Variants in TRIM9 observed in about 807,000 individuals in gnomAD.
TRIM9 encodes the protein E3 ubiquitin-protein ligase TRIM9.
In TRIM9, 26 loss-of-function variants were observed where a neutral mutation model predicts 78.3. The observed-to-expected ratio is 0.33, with a 90% confidence interval of 0.24 to 0.46. TRIM9 has a LOEUF of 0.46. TRIM9 is among the 20% of genes least tolerant of loss of function. The pLI, the probability that TRIM9 is intolerant of heterozygous loss-of-function variation, is 1.00. For synonymous variants in TRIM9, 398 were observed against 416.5 expected (o/e 0.96, Z 0.54); for missense variants, 787 against 1,036.4 (o/e 0.76, Z 3.30).
At chr14:51,088,733 A>T (rs193202052) in intron 1 of TRIM9, among the ~76,000 whole-genome samples, 1 of 152,296 alleles carries the variant, frequency 6.6e-6, no homozygotes, top group Admixed American at 6.5e-5. Flanking sequence ...GGCTAATAAA[A>T]GCTACCTAGT....
In TRIM9 at chr14:50,976,279, C is replaced by T. The variant is rs1477171118; in HGVS notation, c.*1012G>A. The T allele has an allele frequency of 1.3e-5, 2 of 152,526 alleles. No individual in the cohort carries two copies. Among genetic ancestry groups the T allele is most frequent in the East Asian group, 3.8e-4 (2 of 5,200 alleles). The allele number at this position is 152,526 out of a possible 1,614,324, so 9.4% of individuals were successfully genotyped here. On this transcript the variant is annotated 3_prime_UTR_variant, in exon 13 of 13. Coordinates refer to ENST00000684578, the MANE Select transcript of TRIM9 (RefSeq NM_001387360.1). ...GCATTGAGTTGGTACATTTCTGGTG[C>T]TATGGCCAGAATGTGTGGATTTTTA...
intron 1 of TRIM9, among the ~76,000 whole-genome samples, chr14:51,080,404 G>C (rs2063188097): frequency 1.3e-5 from 2 of 149,914 alleles, no homozygotes; most frequent in African/African-American, 4.9e-5. Flanking sequence ...GTCCCCAGAA[G>C]GGAGAATAGG....
rs367695979 is a variant in TRIM9, at chr14:51,094,420, C to T, written c.520G>A (p.Ala174Thr). 9 of 1,613,934 alleles carry T rather than the reference C, an allele frequency of 5.6e-6. No homozygotes were observed. The African/African-American group carries it at 1.1e-4, about 19-fold the overall frequency. ...AALKCQLCEKAPKEATVMCEQ... is the reference protein window; with the variant it reads ...AALKCQLCEKTPKEATVMCEQ... Reference sequence around the variant, plus strand: ...CACATGACGGTGGCTTCCTTGGGCGCCTTCTCGCAGAGCTGGCACTTGAGG... The same window carrying T: ...CACATGACGGTGGCTTCCTTGGGCGTCTTCTCGCAGAGCTGGCACTTGAGG... Residue 174 changes from alanine (A) to threonine (T), a missense_variant, in exon 1 of 13, where the codon GCG (alanine) becomes ACG (threonine). Ala to Thr is a moderately conservative substitution (Grantham distance 58). Transcript: ENST00000684578.
intron 1 of TRIM9, among the ~76,000 whole-genome samples, chr14:51,030,558 ATGTG>A (rs896199154): frequency 6.6e-6 from 1 of 151,678 alleles, no homozygotes; most frequent in African/African-American, 2.4e-5. Flanking sequence ...GGGACAAAGG[ATGTG>A]TGTGTGTGTA....
intron 5 of TRIM9, among the ~76,000 whole-genome samples, chr14:51,008,732 C>G (rs954321913): frequency 6.6e-6 from 1 of 152,198 alleles, no homozygotes; most frequent in Non-Finnish European, 1.5e-5. Flanking sequence ...CAATTCTGGA[C>G]TCCCCTGATT....
chr14:50,982,213 T>C lies in TRIM9; in HGVS notation c.1859-110A>G, dbSNP rs532209599. ...GTTGTGTAGCGTTTTCATGCTGCCA[T>C]GCAGGAAGGAGGCGTCCAGGGCCAG... is the stretch of plus-strand genomic sequence containing the variant. On this transcript the variant is annotated intron_variant, in intron 10 of 12. Transcript: ENST00000684578. 3.0e-4 allele frequency: 407 copies of C among 1,354,808 alleles called. 1 individual carries two copies. Among genetic ancestry groups the C allele is most frequent in the Non-Finnish European group, 3.6e-4 (358 of 989,542 alleles). 83.9% of individuals were successfully genotyped at this position (1,354,808 alleles called of 1,614,324 possible). A position where few individuals can be genotyped will look rare whatever the true frequency, so the allele number is the denominator to read the frequency against.
intron 7 of TRIM9, 148 bp downstream of exon 7, chr14:50,997,902 G>A: frequency 1.4e-6 from 2 of 1,473,928 alleles, no homozygotes; most frequent in South Asian, 2.8e-5. Context: ...CTAAAGGCAG[G>A]AGAGGAACAG....
At chr14:51,018,240 T>C (rs1473659926) in intron 3 of TRIM9, among the ~76,000 whole-genome samples, 4 of 152,314 alleles carry the variant, frequency 2.6e-5, no homozygotes, top group Admixed American at 1.3e-4. Flanking sequence ...AGTATCTAAT[T>C]ATTTTTAATT....
At chr14:50,982,275 T>C in intron 10 of TRIM9, 172 bp from the exon 11 acceptor site, 1 of 690,346 alleles carries the variant, frequency 1.4e-6, no homozygotes, top group South Asian at 1.9e-5. Flanking sequence ...TGGTACTCTC[T>C]GCACCAGAAG....
chr14:51,001,503 A>T (rs552766488), intron 5 of TRIM9, among the ~76,000 whole-genome samples: 1 of 152,270 alleles, frequency 6.6e-6, no homozygotes, highest in African/African-American at 2.4e-5. Flanking sequence ...TGCTGGGATT[A>T]CAGGCGTGAG....
chr14:51,073,012 A>G (rs2062435083), intron 1 of TRIM9, among the ~76,000 whole-genome samples: 1 of 152,178 alleles, frequency 6.6e-6, no homozygotes, highest in Non-Finnish European at 1.5e-5. Flanking sequence ...TGGCAACTCA[A>G]TGGAAAAGTG....
At chr14:50,987,348 G>A (rs1293499462) in intron 7 of TRIM9, among the ~76,000 whole-genome samples, 3 of 152,206 alleles carry the variant, frequency 2.0e-5, no homozygotes, top group Non-Finnish European at 2.9e-5. Context: ...TATGTGAAGA[G>A]CTCTGAACAA....
chr14:50,982,818 G>T, intron 10 of TRIM9, 124 bp downstream of exon 10: 1 of 923,576 alleles, frequency 1.1e-6, no homozygotes, highest in Non-Finnish European at 1.6e-6. Flanking sequence ...TACGCCCCAA[G>T]TTCTAAATGC....
chr14:51,089,230 C>G (rs1339411070), intron 1 of TRIM9: 1 of 152,158 alleles, frequency 6.6e-6, no homozygotes. Context: ...TGAATAATCC[C>G]TGATAAAACT....
At chr14:51,011,096 A>G (rs576681473) in intron 3 of TRIM9, among the ~76,000 whole-genome samples, 4 of 152,336 alleles carry the variant, frequency 2.6e-5, no homozygotes, top group Non-Finnish European at 4.4e-5. Flanking sequence ...AGCTGAAGAA[A>G]GAAGACGGAT....
chr14:51,035,640 C>T (rs2059077091), intron 1 of TRIM9, among the ~76,000 whole-genome samples: 1 of 152,146 alleles, frequency 6.6e-6, no homozygotes, highest in Non-Finnish European at 1.5e-5. Context: ...AACATGGTGG[C>T]CCAGTGTGGA....
intron 5 of TRIM9, 139 bp from the exon 6 acceptor site, chr14:51,000,979 TCA>T (rs2054909199): frequency 1.0e-6 from 1 of 998,084 alleles, no homozygotes; most frequent in Non-Finnish European, 1.5e-6. Context: ...ACAGGATCCT[TCA>T]CAGAGTCCCC....
chr14:50,986,304 A>G lies in TRIM9; in HGVS notation c.1604-160T>C, dbSNP rs1267354041. 5 of 555,184 alleles carry G rather than the reference A, an allele frequency of 9.0e-6. No individual in the cohort carries two copies. In the South Asian group the frequency reaches 2.7e-4, roughly 30 times the overall value. The allele number at this position is 555,184 out of a possible 1,614,324, so 34.4% of individuals were successfully genotyped here. ...TTACAAAACCAATGTGCCTGGGGGC[A>G]GGGAGGGAATTTTCGGCAGATCAGG... On this transcript the variant is annotated intron_variant, in intron 7 of 12. Coordinates refer to ENST00000684578, the MANE Select transcript of TRIM9 (RefSeq NM_001387360.1).
Position 51,000,748 on chromosome 14 carries a change from G to C in TRIM9, c.1399C>G (p.Leu467Val). 3.7e-6 allele frequency: 6 copies of C among 1,614,224 alleles called. No individual in the cohort carries two copies. Among genetic ancestry groups the C allele is most frequent in the Non-Finnish European group, 5.1e-6 (6 of 1,180,022 alleles). Residue 467 changes from leucine (L) to valine (V), a missense_variant, in exon 6 of 13, where the codon CTG becomes GTG. By Grantham distance (32) the Leu-to-Val change is conservative. Transcript: ENST00000684578. ...SATLSWKQPP[L>V]STVPADGYIL... The stretch of plus-strand genomic sequence containing the variant: ...TATCCATCGGCGGGCACCGTGGACA[G>C]AGGTGGCTGTTTCCAGGACAACGTA...
Sources: allele counts gnomAD v4.1 joint callset (sites outside exome capture counted in the v4.1 genomes callset), GRCh38; gene constraint gnomAD v4.1.1; transcripts MANE v1.5; gene names NCBI Gene and HGNC (gene_info 2026-07-23, HGNC 2026-07-21).